Variants in SPMIP2 observed in about 807,000 individuals in gnomAD.
The protein encoded by SPMIP2 is sperm microtubule inner protein 2.
At chr4:159,060,221 G>A in the SPMIP2 span, among the ~76,000 whole-genome samples, 3 of 152,200 alleles carry the variant, frequency 2.0e-5, no homozygotes, top group African/African-American at 7.2e-5. Flanking sequence ...TGGAACTTTA[G>A]TGAGGAGTTC....
the SPMIP2 span, among the ~76,000 whole-genome samples, chr4:158,900,459 G>A: frequency 6.6e-6 from 1 of 152,148 alleles, no homozygotes; most frequent in Non-Finnish European, 1.5e-5. Flanking sequence ...CATTATTATT[G>A]TGTGGGAGCC....
At chr4:159,057,329 A>AT in the SPMIP2 span, among the ~76,000 whole-genome samples, 1 of 152,234 alleles carries the variant, frequency 6.6e-6, no homozygotes, top group Admixed American at 6.5e-5. Context: ...ACTTTAGATC[A>AT]TTGTCTAATA....
At chr4:158,917,254 AAAT>A in the SPMIP2 span, among the ~76,000 whole-genome samples, 2 of 151,100 alleles carry the variant, frequency 1.3e-5, no homozygotes, top group African/African-American at 4.9e-5. Context: ...CATCTCAAAA[AAAT>A]AATAGTTATA....
chr4:158,984,949 A>C, the SPMIP2 span, among the ~76,000 whole-genome samples: 1 of 152,036 alleles, frequency 6.6e-6, no homozygotes, highest in Non-Finnish European at 1.5e-5. Flanking sequence ...GATAAAGGGG[A>C]TATCACCACC....
the SPMIP2 span, among the ~76,000 whole-genome samples, chr4:158,960,050 C>T: frequency 1.3e-5 from 2 of 152,044 alleles, no homozygotes; most frequent in African/African-American, 4.8e-5. Context: ...TTACTATAGT[C>T]TAACAGTTTC....
At chr4:158,937,628 G>A in the SPMIP2 span, 1 of 154,400 alleles carries the variant, frequency 6.5e-6, no homozygotes, top group African/African-American at 2.4e-5. Context: ...TAAGGATCCA[G>A]AATCTTTCCA....
chr4:158,987,466 G>T, the SPMIP2 span, among the ~76,000 whole-genome samples: 1 of 152,088 alleles, frequency 6.6e-6, no homozygotes, highest in Non-Finnish European at 1.5e-5. Context: ...AAAATGATGA[G>T]TTCATGTCCT....
At chr4:159,030,424 A>G in the SPMIP2 span, among the ~76,000 whole-genome samples, 1 of 152,218 alleles carries the variant, frequency 6.6e-6, no homozygotes, top group Non-Finnish European at 1.5e-5. Context: ...AAAGAAAAAA[A>G]AAAGAGTAGT....
At chr4:158,960,410 A>G in the SPMIP2 span, 21 of 906,386 alleles carry the variant, frequency 2.3e-5, no homozygotes, top group African/African-American at 3.2e-4. Flanking sequence ...CTAAGTATCC[A>G]TATTTCTAGT....
At chr4:158,953,162 G>A in the SPMIP2 span, among the ~76,000 whole-genome samples, 1 of 152,224 alleles carries the variant, frequency 6.6e-6, no homozygotes, top group Non-Finnish European at 1.5e-5. Flanking sequence ...GCATATCAGA[G>A]GTCTTCATGA....
chr4:158,925,743 G>A, the SPMIP2 span, among the ~76,000 whole-genome samples: 546 of 152,238 alleles, frequency 3.6e-3, 3 homozygotes, highest in African/African-American at 0.012. Context: ...AGTTCCTAAC[G>A]GGTTACACGT....
the SPMIP2 span, among the ~76,000 whole-genome samples, chr4:158,918,235 G>C: frequency 6.6e-6 from 1 of 152,174 alleles, no homozygotes; most frequent in African/African-American, 2.4e-5. Flanking sequence ...TGAGTGACAG[G>C]AAGGGCGCCT....
chr4:158,917,150 C>T, the SPMIP2 span, among the ~76,000 whole-genome samples: 4 of 152,108 alleles, frequency 2.6e-5, no homozygotes, highest in Non-Finnish European at 4.4e-5. Flanking sequence ...CTCAGGAGGC[C>T]GAGGCAGGAG....
At chr4:159,030,795 C>T in the SPMIP2 span, among the ~76,000 whole-genome samples, 1 of 152,110 alleles carries the variant, frequency 6.6e-6, no homozygotes, top group African/African-American at 2.4e-5. Flanking sequence ...CCACGTCCAG[C>T]CAAAATTTCA....
chr4:159,010,980 T>C, the SPMIP2 span, among the ~76,000 whole-genome samples: 2 of 152,134 alleles, frequency 1.3e-5, no homozygotes, highest in Non-Finnish European at 2.9e-5. Context: ...TCTTCCTAGG[T>C]TTATATGTTC....
the SPMIP2 span, among the ~76,000 whole-genome samples, chr4:158,987,462 A>AT: frequency 1.3e-5 from 2 of 152,192 alleles, no homozygotes; most frequent in Non-Finnish European, 2.9e-5. Context: ...ATAAAAAATG[A>AT]TGAGTTCATG....
At chr4:159,016,406 T>C in the SPMIP2 span, among the ~76,000 whole-genome samples, 2 of 152,218 alleles carry the variant, frequency 1.3e-5, no homozygotes, top group Non-Finnish European at 2.9e-5. Context: ...TGTTCACAAA[T>C]GAAAACATAA....
the SPMIP2 span, among the ~76,000 whole-genome samples, chr4:159,001,933 C>T: frequency 6.6e-6 from 1 of 152,194 alleles, no homozygotes; most frequent in Non-Finnish European, 1.5e-5. Context: ...CTGCTTTCCA[C>T]AATGGTTGAA....
the SPMIP2 span, among the ~76,000 whole-genome samples, chr4:159,067,722 A>C: frequency 6.6e-6 from 1 of 152,226 alleles, no homozygotes; most frequent in Non-Finnish European, 1.5e-5. Context: ...GTGAACAGGC[A>C]ACCTACAGAA....
Sources: gnomAD v4.1 joint callset for allele counts (sites outside exome capture counted in the v4.1 genomes callset) on GRCh38, gnomAD v4.1.1 for gene constraint, MANE v1.5 for transcripts, NCBI Gene and HGNC (gene_info 2026-07-23, HGNC 2026-07-21) for gene names.